The following LRP6 variants were observed in gnomAD, a reference collection of about 807,000 sequenced individuals.
LRP6 encodes low-density lipoprotein receptor-related protein 6.
In LRP6, 43 loss-of-function variants were observed where a neutral mutation model predicts 184.1. The ratio of observed to expected loss-of-function variants is 0.23; its 90% CI spans 0.18 to 0.30. The LOEUF (loss-of-function observed/expected upper bound fraction) is 0.30. LRP6 is among the 10% of genes least tolerant of loss of function. The probability of loss-of-function intolerance (pLI) is 1.00; values close to 1 mark genes in which losing one functional copy is unlikely to be tolerated. For missense variants in LRP6, 1,571 were observed against 2,005.3 expected, an observed-to-expected ratio of 0.78 and a Z score of 4.14; for synonymous variants, 719 against 684.9, an observed-to-expected ratio of 1.05 and a Z score of -0.78.
intron 3 of LRP6, among the ~76,000 whole-genome samples, chr12:12,200,140 C>G (rs1278315192): frequency 6.6e-6 from 1 of 152,112 alleles, no homozygotes; most frequent in Non-Finnish European, 1.5e-5. Context: ...GTCAAACTTG[C>G]AGAGTAGCTG....
In LRP6 at chr12:12,203,316, G is replaced by A; in HGVS notation, c.534C>T (p.Asn178=). Residue 178 remains asparagine, a synonymous_variant, in exon 3 of 23, where the codon AAC becomes AAT. Transcript: ENST00000261349. ...GTCCATTTGGCCAGTAAATTTCACT[G>A]TTTATTATAATGAAGCGACTTGAAC... The part of the protein sequence containing the change: ...MDGSSRFIII[N]SEIYWPNGLT... 1.2e-6 allele frequency: 2 copies of A among 1,613,874 alleles called. No individual in the cohort carries two copies. The highest frequency in any genetic ancestry group is 1.7e-6 in the Non-Finnish European group (2 of 1,179,814).
intron 2 of LRP6, among the ~76,000 whole-genome samples, chr12:12,238,876 G>A (rs1218196436): frequency 2.6e-5 from 4 of 151,830 alleles, no homozygotes; most frequent in Non-Finnish European, 4.4e-5. Context: ...ATTTTAAAAG[G>A]TCCTTTAAAC....
rs768994368 is a variant in LRP6 at position 12,159,207 on chromosome 12, G to A, written c.2465-52C>T. The A allele has an allele frequency of 1.2e-5, 16 of 1,344,626 alleles. No individual in the cohort carries two copies. The East Asian group carries it at 3.2e-4, about 27-fold the overall frequency. The allele number at this position is 1,344,626 out of a possible 1,614,324, so 83.3% of individuals were successfully genotyped here. A position where few individuals can be genotyped will look rare whatever the true frequency, so the allele number is the denominator to read the frequency against. On this transcript the variant is annotated intron_variant, in intron 11 of 22. Transcript: ENST00000261349. ...GGAGAAGCAGAGTGATGAAATATGT[G>A]AGAATACAAGTGTCTTGCTGGCAAA...
chr12:12,146,259 T>C (rs1166160311), intron 15 of LRP6, among the ~76,000 whole-genome samples: 1 of 152,216 alleles, frequency 6.6e-6, no homozygotes, highest in African/African-American at 2.4e-5. Flanking sequence ...ATTTTAAATT[T>C]TGATTATTAC....
chr12:12,171,986 G>C (rs1019493789), intron 7 of LRP6, among the ~76,000 whole-genome samples: 2 of 152,144 alleles, frequency 1.3e-5, no homozygotes, highest in African/African-American at 4.8e-5. Flanking sequence ...CCTGGCAAAA[G>C]CTTGTTTGTA....
intron 2 of LRP6, among the ~76,000 whole-genome samples, chr12:12,218,655 G>A (rs1393159608): frequency 6.6e-6 from 1 of 151,774 alleles, no homozygotes; most frequent in South Asian, 2.1e-4. Flanking sequence ...CACTAGGATG[G>A]TTATAACTTT....
rs1264609563 is a variant in LRP6, at chr12:12,159,919, T to C, written c.2325A>G (p.Arg775=). The change falls in exon 11 of 23, where the codon AGA becomes AGG. Residue 775 remains arginine, a synonymous_variant. Transcript: ENST00000261349. ...TEWGGKPKID[R]AAMDGSERTT... is the part of the protein sequence containing the mutation. The stretch of plus-strand genomic sequence containing the variant: ...TACGTTCACTTCCATCCATTGCAGC[T>C]CTGTCTATCTTAGGTTTTCCACCCC... 2 of 1,613,894 alleles carry C rather than the reference T, an allele frequency of 1.2e-6. No homozygotes were observed. Among genetic ancestry groups the C allele is most frequent in the Non-Finnish European group, 1.7e-6 (2 of 1,179,950 alleles).
chr12:12,245,531 C>A (rs1290794702), intron 1 of LRP6, among the ~76,000 whole-genome samples: 2 of 152,020 alleles, frequency 1.3e-5, no homozygotes, highest in African/African-American at 4.8e-5. Flanking sequence ...GTAAACATGT[C>A]AAAACTTATT....
At chr12:12,143,291 A>G (rs986412752) in intron 15 of LRP6, among the ~76,000 whole-genome samples, 4 of 152,190 alleles carry the variant, frequency 2.6e-5, no homozygotes, top group African/African-American at 9.6e-5. Flanking sequence ...GAGATTTACC[A>G]TGATCATGGT....
chr12:12,222,893 G>A (rs1162436213), intron 2 of LRP6, among the ~76,000 whole-genome samples: 5 of 151,692 alleles, frequency 3.3e-5, no homozygotes, highest in South Asian at 2.1e-4. Context: ...TAACACTAAC[G>A]AATATTTCTA....
intron 1 of LRP6, among the ~76,000 whole-genome samples, chr12:12,248,439 C>A (rs1486411119): frequency 6.7e-6 from 1 of 148,154 alleles, no homozygotes; most frequent in Non-Finnish European, 1.5e-5. Context: ...ATCTTTATAA[C>A]CAAATCCAGT....
At chr12:12,138,150 G>A (rs1176233262) in intron 16 of LRP6, among the ~76,000 whole-genome samples, 175 bp downstream of exon 16, 3 of 150,844 alleles carry the variant, frequency 2.0e-5, no homozygotes, top group Admixed American at 6.6e-5. Context: ...CAGCCTGGGC[G>A]ACAGAGTGAG....
chr12:12,164,531 T>TC lies in LRP6; in HGVS notation c.1793dup (p.Cys599MetfsTer2). 1 of 1,614,008 alleles carries TC rather than the reference T, an allele frequency of 6.2e-7. No homozygotes were observed. The highest frequency in any genetic ancestry group is 8.5e-7 in the Non-Finnish European group (1 of 1,179,994). On this transcript the variant is annotated frameshift_variant, in exon 9 of 23. Transcript: ENST00000261349. LOFTEE classifies it high-confidence loss of function. The stretch of plus-strand genomic sequence containing the variant: ...GTCTATAGAGGCAGAGATGGCTACA[T>TC]CCCCCGTTTTCCTCAGCACAGGGGT...
intron 15 of LRP6, among the ~76,000 whole-genome samples, chr12:12,140,269 C>G (rs1290714293): frequency 6.6e-6 from 1 of 150,986 alleles, no homozygotes; most frequent in Non-Finnish European, 1.5e-5. Flanking sequence ...AAAAAAGAGC[C>G]CTTGGAAATT....
In LRP6 at chr12:12,158,916, G is replaced by A. The variant is rs1862667754; in HGVS notation, c.2704C>T (p.His902Tyr). Residue 902 changes from histidine to tyrosine, a missense_variant, in exon 12 of 23, where the codon CAC becomes TAC. This residue lies in a region of LRP6 where 158 missense variants were observed against 258.4 expected (regional missense o/e 0.61). Coordinates refer to ENST00000261349, the MANE Select transcript of LRP6 (RefSeq NM_002336.3). ...CCAACTGGCACAGCCAAGCAGAGGT[G>A]GGAGCAGTGCCCATTGCTGGAAGCA... is the stretch of plus-strand genomic sequence containing the variant. ...ECASSNGHCS[H>Y]LCLAVPVGGF... 1.2e-6 allele frequency: 2 copies of A among 1,614,216 alleles called. No individual in the cohort carries two copies. Among genetic ancestry groups the A allele is most frequent in the South Asian group, 1.1e-5 (1 of 91,078 alleles).
chr12:12,182,690 A>G (rs1863372153), intron 5 of LRP6, among the ~76,000 whole-genome samples: 1 of 152,242 alleles, frequency 6.6e-6, no homozygotes, highest in Non-Finnish European at 1.5e-5. Flanking sequence ...AACTTGAAGA[A>G]AATACAGCCC....
chr12:12,265,631 A>T (rs1029169783), intron 1 of LRP6, among the ~76,000 whole-genome samples: 1 of 152,164 alleles, frequency 6.6e-6, no homozygotes, highest in Non-Finnish European at 1.5e-5. Flanking sequence ...AACTTTACCA[A>T]ACCAAAACTA....
At chr12:12,254,029 A>G (rs1184460174) in intron 1 of LRP6, among the ~76,000 whole-genome samples, 1 of 151,158 alleles carries the variant, frequency 6.6e-6, no homozygotes, top group East Asian at 2.0e-4. Flanking sequence ...CTGTGGTCGC[A>G]GCTACTAGGG....
At chr12:12,199,558 C>G (rs1863858748) in intron 3 of LRP6, among the ~76,000 whole-genome samples, 1 of 152,196 alleles carries the variant, frequency 6.6e-6, no homozygotes, top group South Asian at 2.1e-4. Context: ...GAGCGTCTCT[C>G]AGACAGCTTT....
Sources: gnomAD v4.1 joint callset for allele counts (sites outside exome capture counted in the v4.1 genomes callset) on GRCh38, gnomAD v4.1.1 for gene constraint, gnomAD v4.1.1 regional missense constraint, MANE v1.5 for transcripts, NCBI Gene and HGNC (gene_info 2026-07-23, HGNC 2026-07-21) for gene names.